CHCHD6: variants seen among roughly 807,000 people sequenced by gnomAD.
The protein encoded by CHCHD6 is MICOS complex subunit MIC25.
A neutral mutation model predicts 32.3 loss-of-function variants in CHCHD6; 28 were observed. That is an observed-to-expected ratio of 0.87 (90% CI 0.64 to 1.19). The LOEUF is 1.19. CHCHD6 is among the 50% of genes most tolerant of loss of function. The pLI is 0.00. For missense variants in CHCHD6, 333 were observed against 307.0 expected, an observed-to-expected ratio of 1.08 and a Z score of -0.63; for synonymous variants, 122 against 117.5, an observed-to-expected ratio of 1.04 and a Z score of -0.25.
rs1159566867 is a variant in CHCHD6 at position 126,910,442 on chromosome 3, G to A, written c.496-4238G>A. On this transcript the variant is annotated intron_variant, in intron 5 of 7. Coordinates refer to ENST00000290913, the MANE Select transcript of CHCHD6 (RefSeq NM_032343.3). Reference sequence around the variant, plus strand: ...TGCCCTGTGCCTCTGCAGCAACAGTGGCATCTCCTGCCCCATGCACAGCCC... The same window carrying A: ...TGCCCTGTGCCTCTGCAGCAACAGTAGCATCTCCTGCCCCATGCACAGCCC... Among the ~76,000 whole-genome samples the A allele has an allele frequency of 4.6e-5, 7 of 152,120 alleles. No homozygotes were observed. In the East Asian group the frequency reaches 1.4e-3, roughly 29 times the overall value.
At chr3:126,954,155 A>G (rs1305627642) in intron 6 of CHCHD6, among the ~76,000 whole-genome samples, 2 of 152,138 alleles carry the variant, frequency 1.3e-5, no homozygotes, top group Non-Finnish European at 2.9e-5. Context: ...TATTGTTCTG[A>G]TAAGTCCCAG....
intron 4 of CHCHD6, among the ~76,000 whole-genome samples, chr3:126,840,867 TTTTA>T (rs1034426517): frequency 5.3e-5 from 8 of 151,708 alleles, no homozygotes; most frequent in South Asian, 2.1e-4. Context: ...GAGAAGTTCT[TTTTA>T]TTTATTTATT....
At chr3:126,801,209 C>G (rs970719099) in intron 4 of CHCHD6, among the ~76,000 whole-genome samples, 2 of 152,314 alleles carry the variant, frequency 1.3e-5, no homozygotes, top group Admixed American at 1.3e-4. Flanking sequence ...AGACAGTGGG[C>G]GCAGGACAGG....
intron 5 of CHCHD6, among the ~76,000 whole-genome samples, chr3:126,862,581 C>T: frequency 7.1e-6 from 1 of 140,622 alleles, no homozygotes; most frequent in Non-Finnish European, 1.6e-5. Flanking sequence ...CCTCCTCCTC[C>T]ACCATCACCT....
chr3:126,898,267 T>C (rs978370020), intron 5 of CHCHD6, among the ~76,000 whole-genome samples: 1 of 152,222 alleles, frequency 6.6e-6, no homozygotes, highest in South Asian at 2.1e-4. Context: ...GTTTGTTTTG[T>C]TTTGCTATTT....
chr3:126,846,635 A>G (rs1034393144), intron 4 of CHCHD6, among the ~76,000 whole-genome samples: 1 of 152,236 alleles, frequency 6.6e-6, no homozygotes, highest in African/African-American at 2.4e-5. Context: ...AATGGAGGCA[A>G]GATAGTTTTA....
chr3:126,853,115 T>C (rs953178099), intron 5 of CHCHD6, among the ~76,000 whole-genome samples: 18 of 152,164 alleles, frequency 1.2e-4, no homozygotes, highest in Admixed American at 1.2e-3. Flanking sequence ...TGTCTTGCTA[T>C]ACAAATACAT....
At chr3:126,764,916 A>G (rs1937305823) in intron 4 of CHCHD6, among the ~76,000 whole-genome samples, 2 of 152,166 alleles carry the variant, frequency 1.3e-5, no homozygotes, top group South Asian at 2.1e-4. Flanking sequence ...TGCACGTGGC[A>G]TCTCTAAGAC....
At chr3:126,905,646 G>A (rs1044912375) in intron 5 of CHCHD6, among the ~76,000 whole-genome samples, 5 of 152,136 alleles carry the variant, frequency 3.3e-5, no homozygotes, top group Non-Finnish European at 5.9e-5. Context: ...ATGGAGCAGC[G>A]GGGTGGCCAG....
In CHCHD6 at chr3:126,851,432, G is replaced by A. The variant is rs566276359; in HGVS notation, c.412-1215G>A. Among the ~76,000 whole-genome samples the A allele has an allele frequency of 7.2e-4, 110 of 152,330 alleles. No individual in the cohort carries two copies. The Middle Eastern group carries it at 0.01, about 14-fold the overall frequency. On this transcript the variant is annotated intron_variant, in intron 4 of 7. Transcript: ENST00000290913. ...TATGAACTTAGGTTCACAGTCTACC[G>A]CTGGCTAGCTTGTGCTCTTGTGGGT...
rs565225705 is a variant in CHCHD6 at position 126,764,664 on chromosome 3, G to A, written c.411+31442G>A. ...CAAAGGCTAGGACTTCGGGTGCTGCGTCCTCAACCCTCTGGGTGACCACAA... is the reference window on the plus strand; with the variant it reads ...CAAAGGCTAGGACTTCGGGTGCTGCATCCTCAACCCTCTGGGTGACCACAA... On this transcript the variant is annotated intron_variant, in intron 4 of 7. Transcript: ENST00000290913. Among the ~76,000 whole-genome samples, 5 of 152,258 alleles carry A rather than the reference G, an allele frequency of 3.3e-5. No individual in the cohort carries two copies. The East Asian group carries it at 5.8e-4, about 18-fold the overall frequency.
intron 4 of CHCHD6, among the ~76,000 whole-genome samples, chr3:126,736,037 G>A (rs538985250): frequency 6.6e-6 from 1 of 152,244 alleles, no homozygotes; most frequent in Non-Finnish European, 1.5e-5. Context: ...CTGAGCAGAT[G>A]CTATGGCCAT....
chr3:126,838,966 G>A (rs1940966674), intron 4 of CHCHD6, among the ~76,000 whole-genome samples: 1 of 146,116 alleles, frequency 6.8e-6, no homozygotes, highest in Non-Finnish European at 1.5e-5. Context: ...ATAGCTCACT[G>A]TGGCTTCCAT....
intron 4 of CHCHD6, among the ~76,000 whole-genome samples, chr3:126,767,686 C>A (rs1185698962): frequency 6.6e-6 from 1 of 152,148 alleles, no homozygotes; most frequent in Non-Finnish European, 1.5e-5. Context: ...CTAATAATTT[C>A]ATCACCCAGA....
At chr3:126,715,418 A>G (rs982483052) in intron 1 of CHCHD6, among the ~76,000 whole-genome samples, 1 of 152,190 alleles carries the variant, frequency 6.6e-6, no homozygotes. Context: ...TTAGCCTTAA[A>G]TAGGCACCCT....
At chr3:126,798,354 C>T (rs1382865197) in intron 4 of CHCHD6, among the ~76,000 whole-genome samples, 1 of 152,168 alleles carries the variant, frequency 6.6e-6, no homozygotes, top group African/African-American at 2.4e-5. Context: ...GCTAAAACCT[C>T]ACTGTTCTTC....
chr3:126,862,637 C>T (rs1356762489), intron 5 of CHCHD6, among the ~76,000 whole-genome samples: 16 of 121,990 alleles, frequency 1.3e-4, no homozygotes, highest in East Asian at 5.7e-4. Flanking sequence ...ATCACCACCT[C>T]ACCCTCTTCC....
intron 4 of CHCHD6, among the ~76,000 whole-genome samples, chr3:126,742,099 C>T (rs915738439): frequency 3.3e-5 from 5 of 152,280 alleles, no homozygotes; most frequent in African/African-American, 9.6e-5. Flanking sequence ...CTGGGTTCAG[C>T]GTTTTAGGGG....
At chr3:126,733,972 A>T (rs1249729783) in intron 4 of CHCHD6, among the ~76,000 whole-genome samples, 9 of 152,148 alleles carry the variant, frequency 5.9e-5, no homozygotes, top group Non-Finnish European at 7.4e-5. Flanking sequence ...AGTGCATCCT[A>T]GGCAGGCTGT....
Sources: allele counts gnomAD v4.1 joint callset (sites outside exome capture counted in the v4.1 genomes callset), GRCh38; gene constraint gnomAD v4.1.1; transcripts MANE v1.5; gene names NCBI Gene and HGNC (gene_info 2026-07-23, HGNC 2026-07-21).